Variants in FAM184B observed in about 807,000 individuals in gnomAD.
The protein encoded by FAM184B is protein FAM184B.
A neutral mutation model predicts 135.9 loss-of-function variants in FAM184B; 111 were observed. That is an observed-to-expected ratio of 0.82 (90% CI 0.70 to 0.96). The LOEUF is 0.96. Among genes scored for constraint, FAM184B ranks in the 40% least tolerant of loss-of-function variants. The probability of loss-of-function intolerance (pLI) is 0.00; values close to 1 mark genes in which losing one functional copy is unlikely to be tolerated. For synonymous variants in FAM184B, 552 were observed against 524.8 expected, an observed-to-expected ratio of 1.05 and a Z score of -0.71; for missense variants, 1,375 against 1,323.9, an observed-to-expected ratio of 1.04 and a Z score of -0.60.
chr4:17,768,842 T>C (rs1718756266), intron 1 of FAM184B, among the ~76,000 whole-genome samples: 1 of 152,094 alleles, frequency 6.6e-6, no homozygotes, highest in African/African-American at 2.4e-5. Flanking sequence ...TTTGCTCTTG[T>C]TGCCCAGGCT....
intron 1 of FAM184B, among the ~76,000 whole-genome samples, chr4:17,725,765 T>C (rs1162684601): frequency 2.0e-5 from 3 of 152,200 alleles, no homozygotes; most frequent in Non-Finnish European, 4.4e-5. Flanking sequence ...AGTCTTTCCT[T>C]GCCTTTTTAA....
At chr4:17,642,735 C>T (rs1206764199) in intron 12 of FAM184B, among the ~76,000 whole-genome samples, 3 of 152,202 alleles carry the variant, frequency 2.0e-5, no homozygotes, top group Admixed American at 1.3e-4. Context: ...AGCTATTCCT[C>T]TCTTCATCTT....
chr4:17,734,119 G>A (rs895712687), intron 1 of FAM184B, among the ~76,000 whole-genome samples: 1 of 152,184 alleles, frequency 6.6e-6, no homozygotes, highest in Non-Finnish European at 1.5e-5. Context: ...GGGAAAACTG[G>A]CTGGCCACAT....
intron 1 of FAM184B, among the ~76,000 whole-genome samples, chr4:17,739,196 G>A (rs951179432): frequency 5.3e-5 from 8 of 152,058 alleles, no homozygotes; most frequent in African/African-American, 1.9e-4. Flanking sequence ...TTTGATTCTG[G>A]ACAGCTTCTT....
intron 10 of FAM184B, among the ~76,000 whole-genome samples, chr4:17,656,027 C>T (rs1860597): frequency 0.52 from 79,549 of 152,006 alleles, 23,406 homozygotes; most frequent in East Asian, 0.88. Context: ...TCCTACTCGC[C>T]GACACAGGAA....
chr4:17,710,502 A>G (rs1471191725), intron 1 of FAM184B, among the ~76,000 whole-genome samples: 3 of 152,232 alleles, frequency 2.0e-5, no homozygotes, highest in Admixed American at 6.5e-5. Flanking sequence ...ACATCTTTGC[A>G]TGATAAAAAA....
In FAM184B at chr4:17,658,452, G is replaced by A. The variant is rs1485217271; in HGVS notation, c.1935C>T (p.Leu645=). The A allele has an allele frequency of 1.0e-5, 16 of 1,551,572 alleles. No individual in the cohort carries two copies. The highest frequency in any genetic ancestry group is 1.4e-5 in the Non-Finnish European group (16 of 1,146,974). The change falls in exon 10 of 18, where the codon CTC becomes CTT. Residue 645 remains leucine (L), a synonymous_variant. Transcript: ENST00000265018. ...DLEREKLQRE[L]QETTQQNHAM... ...CGTGGTTCTGCTGAGTGGTCTCCTG[G>A]AGCTCACGCTGCAGCTTCTCCCTCT...
At chr4:17,640,065 C>T (rs952414128) in intron 13 of FAM184B, among the ~76,000 whole-genome samples, 1 of 150,926 alleles carries the variant, frequency 6.6e-6, no homozygotes, top group Non-Finnish European at 1.5e-5. Flanking sequence ...CTCCTGACCT[C>T]GGGTGATCCA....
At position 17,681,764 on chromosome 4, in the gene FAM184B, G is replaced by A. The variant is rs540626874; in HGVS notation, c.1596+6660C>T. Among the ~76,000 whole-genome samples the A allele has an allele frequency of 2.6e-5, 4 of 152,164 alleles. No homozygotes were observed. The East Asian group carries it at 7.8e-4, about 29-fold the overall frequency. ...CCCAAATGCCTCAGGAGCTTGCCTT[G>A]GGCTGCTTCCCCATGGCATCCCATT... On this transcript the variant is annotated intron_variant, in intron 7 of 17. Transcript: ENST00000265018.
intron 7 of FAM184B, among the ~76,000 whole-genome samples, chr4:17,669,946 C>T (rs1449489279): frequency 6.6e-6 from 1 of 152,180 alleles, no homozygotes; most frequent in Non-Finnish European, 1.5e-5. Flanking sequence ...TTTACTACCA[C>T]ATCAAGAATA....
At chr4:17,722,615 G>C (rs1034688324) in intron 1 of FAM184B, among the ~76,000 whole-genome samples, 3 of 152,156 alleles carry the variant, frequency 2.0e-5, no homozygotes, top group Non-Finnish European at 4.4e-5. Flanking sequence ...TGAAAGACGA[G>C]GGTGGGCTCC....
intron 1 of FAM184B, among the ~76,000 whole-genome samples, chr4:17,721,180 G>A (rs1468706234): frequency 2.0e-5 from 3 of 151,328 alleles, no homozygotes; most frequent in African/African-American, 4.9e-5. Flanking sequence ...TCAGGAGATC[G>A]AGACCATCCT....
At chr4:17,771,754 A>T (rs1235076078) in intron 1 of FAM184B, among the ~76,000 whole-genome samples, 1 of 152,182 alleles carries the variant, frequency 6.6e-6, no homozygotes, top group Non-Finnish European at 1.5e-5. Flanking sequence ...CAGCCCAGGG[A>T]AGAGCTGGCT....
intron 7 of FAM184B, among the ~76,000 whole-genome samples, chr4:17,666,305 CTTT>C (rs71167320): frequency 3.8e-5 from 5 of 131,252 alleles, no homozygotes. Context: ...CCCTGGAATT[CTTT>C]TTTTTTTTTT....
rs150033701 is a variant in FAM184B, at chr4:17,727,465, A to T, written c.142-17821T>A. ...CACACTGCTATAAAGATACTAGCTG[A>T]GACTGGGTAATTTATAAACAAAAGA... On this transcript the variant is annotated intron_variant, in intron 1 of 17. Transcript: ENST00000265018. Among the ~76,000 whole-genome samples the T allele has an allele frequency of 2.8e-4, 43 of 152,334 alleles. No individual in the cohort carries two copies. The East Asian group carries it at 7.3e-3, about 26-fold the overall frequency.
At chr4:17,756,560 T>C (rs764538775) in intron 1 of FAM184B, among the ~76,000 whole-genome samples, 2 of 152,250 alleles carry the variant, frequency 1.3e-5, no homozygotes, top group African/African-American at 2.4e-5. Context: ...TTTTCCAATA[T>C]GAACCGTACC....
chr4:17,697,887 T>C (rs1716901731), intron 5 of FAM184B, among the ~76,000 whole-genome samples: 1 of 152,176 alleles, frequency 6.6e-6, no homozygotes. Flanking sequence ...ATGGAAATAA[T>C]CAATTTCAGC....
At chr4:17,657,655 C>T (rs201081352) in intron 10 of FAM184B, among the ~76,000 whole-genome samples, 46 of 114,392 alleles carry the variant, frequency 4.0e-4, no homozygotes, top group East Asian at 7.8e-4. Flanking sequence ...CTGAGCTGTT[C>T]TTTTTTTTTT....
At chr4:17,703,300 C>A (rs1717030793) in intron 5 of FAM184B, among the ~76,000 whole-genome samples, 1 of 151,266 alleles carries the variant, frequency 6.6e-6, no homozygotes, top group Non-Finnish European at 1.5e-5. Flanking sequence ...AGTTCGAGAC[C>A]AGCTGGGCAA....
Sources: gnomAD v4.1 joint callset for allele counts (sites outside exome capture counted in the v4.1 genomes callset) on GRCh38, gnomAD v4.1.1 for gene constraint, MANE v1.5 for transcripts, NCBI Gene and HGNC (gene_info 2026-07-23, HGNC 2026-07-21) for gene names.